COPG2: variants seen among roughly 807,000 people sequenced by gnomAD.
COPG2 encodes coatomer subunit gamma-2.
Under a neutral mutation model 46.3 loss-of-function variants are expected in COPG2, and 37 were observed. The ratio of observed to expected loss-of-function variants is 0.80; its 90% confidence interval spans 0.61 to 1.05. The LOEUF is 1.05. Ranked by LOEUF, COPG2 falls within the 50% of genes least tolerant of loss-of-function variation. The pLI is 0.00. For missense variants in COPG2, 427 were observed against 387.8 expected, an observed-to-expected ratio of 1.10 and a Z score of -0.85; for synonymous variants, 159 against 129.7, an observed-to-expected ratio of 1.23 and a Z score of -1.53.
intron 12 of COPG2, among the ~76,000 whole-genome samples, chr7:130,555,949 G>A (rs1355587222): frequency 2.0e-5 from 3 of 152,172 alleles, no homozygotes; most frequent in African/African-American, 4.8e-5. Flanking sequence ...CATGGATGCT[G>A]GTAGAAAACA....
chr7:130,593,670 T>C (rs903207825), intron 9 of COPG2, among the ~76,000 whole-genome samples: 2 of 152,126 alleles, frequency 1.3e-5, no homozygotes, highest in Admixed American at 1.3e-4. Context: ...GTAGTGGGTA[T>C]AGACACATAT....
chr7:130,620,242 A>G (rs1795015570), intron 5 of COPG2, among the ~76,000 whole-genome samples: 1 of 152,120 alleles, frequency 6.6e-6, no homozygotes, highest in Non-Finnish European at 1.5e-5. Flanking sequence ...TAAGTGTCAG[A>G]CACTGTTCCA....
At position 130,563,345 on chromosome 7, in the gene COPG2, A is replaced by T. The variant is rs1017042632; in HGVS notation, c.872-9T>A. 0.14 allele frequency: 55,896 copies of T among 396,810 alleles called. 6,372 individuals are homozygous for T. Among genetic ancestry groups the T allele is most frequent in the African/African-American group, 0.42 (20,405 of 48,434 alleles). 24.6% of individuals were successfully genotyped at this position (396,810 alleles called of 1,614,324 possible). On this transcript the variant is annotated splice_polypyrimidine_tract_variant and intron_variant, in intron 10 of 23. Transcript: ENST00000425248. ...ACAGAAAAGTTGAAGAACTAAAAAA[A>T]AATAATAATAATAATATGTAACATT...
chr7:130,586,160 A>G (rs1160903549), intron 9 of COPG2, among the ~76,000 whole-genome samples: 1 of 152,116 alleles, frequency 6.6e-6, no homozygotes, highest in Non-Finnish European at 1.5e-5. Flanking sequence ...AATTAATGGC[A>G]CTCACAACAA....
At chr7:130,633,695 T>C (rs1795273696) in intron 5 of COPG2, among the ~76,000 whole-genome samples, 1 of 152,230 alleles carries the variant, frequency 6.6e-6, no homozygotes, top group Non-Finnish European at 1.5e-5. Context: ...TGATAGTTTC[T>C]TTCATTGTGC....
At chr7:130,539,419 G>A (rs1799915082) in intron 20 of COPG2, among the ~76,000 whole-genome samples, 1 of 152,176 alleles carries the variant, frequency 6.6e-6, no homozygotes, top group Non-Finnish European at 1.5e-5. Context: ...GCCTCAATCA[G>A]TGGAAGATCT....
intron 14 of COPG2, among the ~76,000 whole-genome samples, chr7:130,553,337 TTTTC>T (rs1285335768): frequency 6.6e-6 from 1 of 151,824 alleles, no homozygotes; most frequent in Non-Finnish European, 1.5e-5. Context: ...CCCCCCCGCC[TTTTC>T]TTTTTTTTTT....
At chr7:130,601,328 A>G (rs1281417527) in intron 9 of COPG2, among the ~76,000 whole-genome samples, 2 of 152,216 alleles carry the variant, frequency 1.3e-5, no homozygotes, top group African/African-American at 4.8e-5. Context: ...TACCCAAAGG[A>G]TTATAAATCA....
chr7:130,645,172 T>C, intron 5 of COPG2: 5 of 599,996 alleles, frequency 8.3e-6, no homozygotes, highest in Non-Finnish European at 1.3e-5. Flanking sequence ...ATGGTCCTCA[T>C]GCTTCCACGT....
intron 9 of COPG2, among the ~76,000 whole-genome samples, chr7:130,574,935 G>C (rs529938912): frequency 7.9e-5 from 12 of 152,148 alleles, no homozygotes; most frequent in Middle Eastern, 3.4e-3. Flanking sequence ...CAATAGAATT[G>C]AACAAGTAGA....
intron 6 of COPG2, 26 bp from the exon 7 acceptor site, chr7:130,613,662 T>C (rs1554452499): frequency 6.7e-7 from 1 of 1,502,894 alleles, no homozygotes; most frequent in Non-Finnish European, 9.1e-7. Flanking sequence ...AAGAAAAAAT[T>C]GTTAAGGAAA....
intron 9 of COPG2, among the ~76,000 whole-genome samples, chr7:130,567,105 G>C (rs945454371): frequency 2.0e-5 from 3 of 152,182 alleles, no homozygotes; most frequent in Non-Finnish European, 4.4e-5. Context: ...AACATCGATA[G>C]AGCTGGAGGC....
intron 1 of COPG2, 25 bp from the exon 2 acceptor site, chr7:130,667,559 AT>A: frequency 6.2e-7 from 1 of 1,604,872 alleles, no homozygotes; most frequent in Non-Finnish European, 8.5e-7. Flanking sequence ...AAACAAAAAA[AT>A]GTCCTGAACA....
intron 16 of COPG2, 147 bp from the exon 17 acceptor site, chr7:130,550,796 G>A: frequency 2.7e-6 from 1 of 368,448 alleles, no homozygotes; most frequent in South Asian, 1.5e-4. Flanking sequence ...AAAAATAAAG[G>A]ATATTCTTGA....
At chr7:130,597,208 C>T (rs1794545985) in intron 9 of COPG2, among the ~76,000 whole-genome samples, 1 of 152,152 alleles carries the variant, frequency 6.6e-6, no homozygotes, top group African/African-American at 2.4e-5. Flanking sequence ...GGAGCAGAGC[C>T]CTGCTAGGGT....
intron 5 of COPG2, among the ~76,000 whole-genome samples, chr7:130,651,533 G>A (rs9641882): frequency 0.44 from 49,820 of 112,766 alleles, 12,659 homozygotes; most frequent in East Asian, 0.59. Flanking sequence ...TTTTTGAGAC[G>A]GAGTCTCGCT....
At chr7:130,525,546 G>A (rs1045509202) in intron 20 of COPG2, among the ~76,000 whole-genome samples, 23 of 152,212 alleles carry the variant, frequency 1.5e-4, no homozygotes, top group African/African-American at 3.9e-4. Context: ...GCAAATAGTG[G>A]AGGAGTAGTT....
intron 20 of COPG2, among the ~76,000 whole-genome samples, chr7:130,530,375 CA>C (rs1799812352): frequency 6.6e-6 from 1 of 151,600 alleles, no homozygotes. Flanking sequence ...CTTGATGGAA[CA>C]GAAAGAAAGA....
chr7:130,552,264 G>A, intron 15 of COPG2, 91 bp downstream of exon 15: 1 of 395,364 alleles, frequency 2.5e-6, no homozygotes, highest in East Asian at 3.6e-5. Flanking sequence ...TTAGGGCTTA[G>A]AGTGCATCCG....
Sources: gnomAD v4.1 joint callset for allele counts (sites outside exome capture counted in the v4.1 genomes callset) on GRCh38, gnomAD v4.1.1 for gene constraint, MANE v1.5 for transcripts, NCBI Gene and HGNC (gene_info 2026-07-23, HGNC 2026-07-21) for gene names.